SLC22A7: variants seen among roughly 807,000 people sequenced by gnomAD.
The protein encoded by SLC22A7 is hOAT2.
SLC22A7 carries 48 observed loss-of-function variants against 62.2 expected under a neutral mutation model. The ratio of observed to expected loss-of-function variants is 0.77; its 90% CI spans 0.61 to 0.98. The LOEUF is 0.98. Among genes scored for constraint, SLC22A7 ranks in the 50% least tolerant of loss-of-function variants. The probability of loss-of-function intolerance (pLI) is 0.00; values close to 1 mark genes in which losing one functional copy is unlikely to be tolerated. For missense variants in SLC22A7, 581 were observed against 703.8 expected, an observed-to-expected ratio of 0.83 and a Z score of 1.97; for synonymous variants, 276 against 314.8, an observed-to-expected ratio of 0.88 and a Z score of 1.30.
Position 43,299,554 on chromosome 6 carries a change from G to T in SLC22A7, c.503+61G>T. The stretch of plus-strand genomic sequence containing the variant: ...GGGGGAACTTTCTCCCACTAGCTGG[G>T]GTATGAGCCTAGTCTACCTATGCCT... On this transcript the variant is annotated intron_variant, in intron 3 of 10. Transcript: ENST00000372585. This position sits in a 1 kb window ranked among gnomAD's most constrained non-coding sequence, Gnocchi z 4.4. The T allele has an allele frequency of 6.2e-7, 1 of 1,608,454 alleles. No individual in the cohort carries two copies. The highest frequency in any genetic ancestry group is 8.5e-7 in the Non-Finnish European group (1 of 1,175,792).
chr6:43,304,981 T>C lies in SLC22A7; in HGVS notation c.*256T>C. 8.2e-6 allele frequency: 3 copies of C among 367,072 alleles called. No individual in the cohort carries two copies. The highest frequency in any genetic ancestry group is 1.5e-5 in the Non-Finnish European group (3 of 204,472). 22.7% of individuals were successfully genotyped at this position (367,072 alleles called of 1,614,324 possible). A position where few individuals can be genotyped will look rare whatever the true frequency, so the allele number is the denominator to read the frequency against. On this transcript the variant is annotated 3_prime_UTR_variant, in exon 11 of 11. Transcript: ENST00000372585. Reference sequence around the variant, plus strand: ...TCTGTAAATAAAGGTGCCCCTTGGGTTGGGGCAGTGGTGACGAGCTGTGGG... The same window carrying C: ...TCTGTAAATAAAGGTGCCCCTTGGGCTGGGGCAGTGGTGACGAGCTGTGGG...
At chr6:43,300,173 G>T in intron 5 of SLC22A7, 107 bp downstream of exon 5, 1 of 1,142,258 alleles carries the variant, frequency 8.8e-7, no homozygotes, top group Non-Finnish European at 1.2e-6. Flanking sequence ...AAGGGAAAGA[G>T]AAACGAAGTG....
At chr6:43,301,788 T>A in intron 7 of SLC22A7, 96 bp downstream of exon 7, 1 of 834,504 alleles carries the variant, frequency 1.2e-6, no homozygotes, top group Non-Finnish European at 1.9e-6. Context: ...GAGGGACAAG[T>A]AGAGTGTCAC....
chr6:43,298,830 A>T lies in SLC22A7; in HGVS notation c.393+79A>T, dbSNP rs17287886. 7.2e-3 allele frequency: 10,858 copies of T among 1,503,090 alleles called. 51 individuals are homozygous for T. The highest frequency in any genetic ancestry group is 8.7e-3 in the Non-Finnish European group (9,744 of 1,124,610). 93.1% of individuals were successfully genotyped at this position (1,503,090 alleles called of 1,614,324 possible). A position where few individuals can be genotyped will look rare whatever the true frequency, so the allele number is the denominator to read the frequency against. On this transcript the variant is annotated intron_variant, in intron 1 of 10. Coordinates refer to ENST00000372585, the MANE Select transcript of SLC22A7 (RefSeq NM_153320.2). ...CTTGGGTGGTTACTGTGTAGGCATTAGATGTATTACTTTACCTCTTAAAGT... is the reference window on the plus strand; with the variant it reads ...CTTGGGTGGTTACTGTGTAGGCATTTGATGTATTACTTTACCTCTTAAAGT...
At chr6:43,298,786 G>C in intron 1 of SLC22A7, 35 bp downstream of exon 1, 7 of 1,516,310 alleles carry the variant, frequency 4.6e-6, no homozygotes, top group Non-Finnish European at 6.2e-6. Context: ...ACATGTGAGA[G>C]GGATGGGCCT....
Position 43,298,689 on chromosome 6 carries a change from G to C in SLC22A7, c.331G>C (p.Val111Leu). 1.3e-6 allele frequency: 2 copies of C among 1,552,888 alleles called. No homozygotes were observed. Among genetic ancestry groups the C allele is most frequent in the Non-Finnish European group, 1.7e-6 (2 of 1,147,864 alleles). Residue 111 changes from valine (V) to leucine (L), a missense_variant, in exon 1 of 11, where the codon GTG (valine) becomes CTG (leucine). Physicochemically the swap from Val to Leu is conservative, Grantham distance 32. Coordinates refer to ENST00000372585, the MANE Select transcript of SLC22A7 (RefSeq NM_153320.2). ...GGAGCTGGAGGATGAACCTGCCACA[G>C]TGCCCTGCTCTCAGGGCTGGGAGTA... is the stretch of plus-strand genomic sequence containing the variant. ...RGELEDEPAT[V>L]PCSQGWEYDH...
At position 43,302,863 on chromosome 6, in the gene SLC22A7, A is replaced by T. The variant is rs1778804421; in HGVS notation, c.1385+100A>T. 10 of 736,816 alleles carry T rather than the reference A, an allele frequency of 1.4e-5. No individual in the cohort carries two copies. Among genetic ancestry groups the T allele is most frequent in the South Asian group, 2.0e-5 (1 of 49,990 alleles). The allele number at this position is 736,816 out of a possible 1,614,324, so 45.6% of individuals were successfully genotyped here. ...CGCACCACAACCTGGTCTCTCACTC[A>T]TTTTTTTTTTAATTTTAATTTTTGG... On this transcript the variant is annotated intron_variant, in intron 9 of 10. Coordinates refer to ENST00000372585, the MANE Select transcript of SLC22A7 (RefSeq NM_153320.2). This position sits in a 1 kb window ranked among gnomAD's most constrained non-coding sequence, Gnocchi z 5.0.
At position 43,298,322 on chromosome 6, in the gene SLC22A7, G is replaced by A; in HGVS notation, c.-37G>A. The A allele has an allele frequency of 2.6e-6, 4 of 1,564,304 alleles. No homozygotes were observed. Among genetic ancestry groups the A allele is most frequent in the Non-Finnish European group, 2.6e-6 (3 of 1,147,958 alleles). ...CAGTTTGAGCTGGCTGGATACTAGA[G>A]GGAGGCTGCACCTGAAGCATTTGGT... On this transcript the variant is annotated 5_prime_UTR_variant, in exon 1 of 11. Transcript: ENST00000372585.
intron 5 of SLC22A7, among the ~76,000 whole-genome samples, chr6:43,300,876 C>T (rs1778716637): frequency 1.3e-5 from 2 of 152,318 alleles, no homozygotes; most frequent in Admixed American, 6.5e-5. Flanking sequence ...GGCTCAAACC[C>T]ACCCTCCCGC....
At position 43,304,737 on chromosome 6, in the gene SLC22A7, G is replaced by C. The variant is rs1582558365; in HGVS notation, c.*12G>C. On this transcript the variant is annotated 3_prime_UTR_variant, in exon 11 of 11. Transcript: ENST00000372585. ...AGGTCCAGAACTAAGTGGGAGTGGA[G>C]GCAGGCCCTCCACAGAAGCTCTGCA... 1 of 1,558,090 alleles carries C rather than the reference G, an allele frequency of 6.4e-7. No individual in the cohort carries two copies. Among genetic ancestry groups the C allele is most frequent in the East Asian group, 2.4e-5 (1 of 41,998 alleles).
intron 5 of SLC22A7, 88 bp from the exon 6 acceptor site, chr6:43,301,047 C>A (rs1778724783): frequency 2.6e-6 from 4 of 1,547,932 alleles, no homozygotes; most frequent in Non-Finnish European, 3.5e-6. Flanking sequence ...TGAGCAAGAG[C>A]CTGGAAGTTG....
Position 43,302,638 on chromosome 6 carries a change from A to T in SLC22A7, c.1277-17A>T. The stretch of plus-strand genomic sequence containing the variant: ...TCCTCCAAGGCCCTCTCACTACCTG[A>T]ACCCGCTTCCCTCCAGATATGAAGT... On this transcript the variant is annotated splice_polypyrimidine_tract_variant and intron_variant, in intron 8 of 10. Coordinates refer to ENST00000372585, the MANE Select transcript of SLC22A7 (RefSeq NM_153320.2). This position sits in a 1 kb window ranked among gnomAD's most constrained non-coding sequence, Gnocchi z 5.0. 1 of 1,575,108 alleles carries T rather than the reference A, an allele frequency of 6.3e-7. No homozygotes were observed. The highest frequency in any genetic ancestry group is 8.7e-7 in the Non-Finnish European group (1 of 1,153,122).
rs1438781007 is a variant in SLC22A7, at chr6:43,299,884, C to T, written c.659-14C>T. 6.2e-7 allele frequency: 1 copy of T among 1,614,238 alleles called. No homozygotes were observed. Among genetic ancestry groups the T allele is most frequent in the South Asian group, 1.1e-5 (1 of 91,088 alleles). ...TCCTCACTAACCATCTTCCTGTCTCCTGTCCTGGCCCAGAGCTGGAGTGGC... is the reference window on the plus strand; with the variant it reads ...TCCTCACTAACCATCTTCCTGTCTCTTGTCCTGGCCCAGAGCTGGAGTGGC... On this transcript the variant is annotated splice_polypyrimidine_tract_variant and intron_variant, in intron 4 of 10. Coordinates refer to ENST00000372585, the MANE Select transcript of SLC22A7 (RefSeq NM_153320.2). This position sits in a 1 kb window ranked among gnomAD's most constrained non-coding sequence, Gnocchi z 4.4.
In SLC22A7 at chr6:43,305,415, C is replaced by A; in HGVS notation, c.*690C>A. On this transcript the variant is annotated 3_prime_UTR_variant, in exon 11 of 11. Transcript: ENST00000372585. ...CAGGGCAATGCATGTCATCCCAACCCCCACACTCCCCATCCTCCAACCCAC... is the reference window on the plus strand; with the variant it reads ...CAGGGCAATGCATGTCATCCCAACCACCACACTCCCCATCCTCCAACCCAC... The A allele has an allele frequency of 3.4e-6, 1 of 290,748 alleles. No individual in the cohort carries two copies. The highest frequency in any genetic ancestry group is 3.4e-5 in the South Asian group (1 of 29,604). The allele number at this position is 290,748 out of a possible 1,614,324, so 18.0% of individuals were successfully genotyped here.
At position 43,301,578 on chromosome 6, in the gene SLC22A7, A is replaced by T; in HGVS notation, c.952-5A>T. On this transcript the variant is annotated splice_region_variant and splice_polypyrimidine_tract_variant and intron_variant, in intron 6 of 10. Transcript: ENST00000372585. ...ATGTTACAACCTCACCTCCTTCCCT[A>T]CCAGGCTGTGAGCAAAGTGGCCGCC... 6.2e-7 allele frequency: 1 copy of T among 1,611,168 alleles called. No homozygotes were observed. Among genetic ancestry groups the T allele is most frequent in the African/African-American group, 1.3e-5 (1 of 74,918 alleles).
Position 43,302,905 on chromosome 6 carries a change from C to T in SLC22A7, c.1385+142C>T, listed in dbSNP as rs1361630737. 1.5e-6 allele frequency: 1 copy of T among 675,500 alleles called. No homozygotes were observed. The highest frequency in any genetic ancestry group is 2.5e-6 in the Non-Finnish European group (1 of 406,232). The allele number at this position is 675,500 out of a possible 1,614,324, so 41.8% of individuals were successfully genotyped here. On this transcript the variant is annotated intron_variant, in intron 9 of 10. Transcript: ENST00000372585. The surrounding 1 kb of genome is among the most constrained non-coding windows in gnomAD (Gnocchi z 5.0). Reference sequence around the variant, plus strand: ...AATTTTTGGTAGAGACGGGGTCTTGCTATATTACCCAGACTGGTCTCAAAC... The same window carrying T: ...AATTTTTGGTAGAGACGGGGTCTTGTTATATTACCCAGACTGGTCTCAAAC...
chr6:43,300,059 A>G lies in SLC22A7; in HGVS notation c.820A>G (p.Ser274Gly). The G allele has an allele frequency of 6.2e-7, 1 of 1,614,042 alleles. No individual in the cohort carries two copies. Among genetic ancestry groups the G allele is most frequent in the Non-Finnish European group, 8.5e-7 (1 of 1,180,008 alleles). Reference protein sequence around the residue: ...VTLPCAPGILSLWWVPESARW... With the variant: ...VTLPCAPGILGLWWVPESARW... Reference sequence around the variant, plus strand: ...CCTGCCTTGTGCCCCAGGCATCCTCAGCCTCTGGTGAGGACTGCAGGCAGC... The same window carrying G: ...CCTGCCTTGTGCCCCAGGCATCCTCGGCCTCTGGTGAGGACTGCAGGCAGC... The change falls in exon 5 of 11, where the codon AGC becomes GGC. Residue 274 changes from serine (S) to glycine (G), a missense_variant. Physicochemically the swap from Ser to Gly is moderately conservative, Grantham distance 56. Transcript: ENST00000372585.
At position 43,304,190 on chromosome 6, in the gene SLC22A7, CA is replaced by C; in HGVS notation, c.1539del (p.Glu514ArgfsTer30). 2.5e-6 allele frequency: 4 copies of C among 1,595,704 alleles called. No homozygotes were observed. The highest frequency in any genetic ancestry group is 3.4e-6 in the Non-Finnish European group (4 of 1,169,490). ...LLAAGTALLLPETRQAQLPET... is the reference protein window; with the variant it reads ...LLAAGTALLLXETRQAQLPET... ...GCTGCCGGCACCGCCCTCCTGCTGC[CA>C]GAGACGAGGCAGGCACAGCTGCCAG... On this transcript the variant is annotated frameshift_variant, in exon 10 of 11. Coordinates refer to ENST00000372585, the MANE Select transcript of SLC22A7 (RefSeq NM_153320.2). LOFTEE classifies it high-confidence loss of function.
Position 43,303,199 on chromosome 6 carries a change from G to A in SLC22A7, c.1385+436G>A, listed in dbSNP as rs1026970477. 24 of 982,682 alleles carry A rather than the reference G, an allele frequency of 2.4e-5. No homozygotes were observed. The East Asian group carries it at 3.4e-4, about 14-fold the overall frequency. 60.9% of individuals were successfully genotyped at this position (982,682 alleles called of 1,614,324 possible). ...CCCAAGGCCGGGCACTGTGGCTCAC[G>A]CCTGTAATCCCAGCATTTTGGAAGG... On this transcript the variant is annotated intron_variant, in intron 9 of 10. Coordinates refer to ENST00000372585, the MANE Select transcript of SLC22A7 (RefSeq NM_153320.2).
Sources: allele counts gnomAD v4.1 joint callset (sites outside exome capture counted in the v4.1 genomes callset), GRCh38; gene constraint gnomAD v4.1.1; non-coding constraint Gnocchi (gnomAD v3.1); transcripts MANE v1.5; gene names NCBI Gene and HGNC (gene_info 2026-07-23, HGNC 2026-07-21).